The following BAZ2B variants were observed in gnomAD, a reference collection of about 807,000 sequenced individuals.
The protein encoded by BAZ2B is bromodomain adjacent to zinc finger domain 2B, also known as bromodomain adjacent to zinc finger domain protein 2B.
BAZ2B carries 91 observed loss-of-function variants against 246.0 expected under a neutral mutation model. The ratio of observed to expected loss-of-function variants is 0.37; its 90% CI spans 0.31 to 0.44. The LOEUF (loss-of-function observed/expected upper bound fraction) is 0.44, where lower values mean the gene tolerates loss of function less well. Among genes scored for constraint, BAZ2B ranks in the 20% least tolerant of loss-of-function variants. BAZ2B has a pLI of 1.00. For missense variants in BAZ2B, 2,332 were observed against 2,533.7 expected, an observed-to-expected ratio of 0.92 and a Z score of 1.71; for synonymous variants, 855 against 860.0, an observed-to-expected ratio of 0.99 and a Z score of 0.10.
intron 2 of BAZ2B, among the ~76,000 whole-genome samples, chr2:159,479,081 C>A (rs1344870402): frequency 2.0e-5 from 3 of 152,072 alleles, no homozygotes. Context: ...TCCTATGTTA[C>A]CTTAATGAAT....
chr2:159,480,892 T>C (rs1157243554), intron 2 of BAZ2B, among the ~76,000 whole-genome samples: 1 of 152,132 alleles, frequency 6.6e-6, no homozygotes, highest in Non-Finnish European at 1.5e-5. Context: ...CAACTATATT[T>C]ATACTAGGTA....
chr2:159,486,824 A>G (rs2079890849), intron 2 of BAZ2B, among the ~76,000 whole-genome samples: 1 of 152,122 alleles, frequency 6.6e-6, no homozygotes, highest in Admixed American at 6.5e-5. Context: ...AAAAATCTTT[A>G]CTAGATTACT....
the BAZ2B span, among the ~76,000 whole-genome samples, chr2:159,654,149 A>T: frequency 7.9e-5 from 12 of 152,304 alleles, no homozygotes; most frequent in Admixed American, 7.2e-4. Context: ...AACTCTCATT[A>T]CATGTTGTAA....
intron 8 of BAZ2B, chr2:159,433,854 A>G (rs1406270313): frequency 1.9e-5 from 3 of 154,056 alleles, no homozygotes; most frequent in African/African-American, 4.8e-5. Context: ...ACTCATCGAA[A>G]GTTGAAAATA....
chr2:159,459,268 T>A (rs946276522), intron 3 of BAZ2B: 1 of 152,224 alleles, frequency 6.6e-6, no homozygotes, highest in Admixed American at 6.5e-5. Flanking sequence ...CAAACTGTTA[T>A]CAGTTGGCAG....
the BAZ2B span, among the ~76,000 whole-genome samples, chr2:159,699,663 T>C: frequency 1.3e-5 from 2 of 152,220 alleles, no homozygotes; most frequent in Non-Finnish European, 2.9e-5. Flanking sequence ...CTTTGATTAA[T>C]CAGTCACTCC....
the BAZ2B span, chr2:159,690,128 T>C: frequency 1.1e-5 from 6 of 526,946 alleles, no homozygotes; most frequent in African/African-American, 2.0e-5. Context: ...TTCAAACACA[T>C]GACTCTTGAG....
At chr2:159,652,616 A>T in the BAZ2B span, among the ~76,000 whole-genome samples, 1 of 152,014 alleles carries the variant, frequency 6.6e-6, no homozygotes, top group Admixed American at 6.6e-5. Flanking sequence ...CATGCAAGAA[A>T]TATTTTTTTT....
chr2:159,570,476 C>T (rs1005718677), intron 1 of BAZ2B, among the ~76,000 whole-genome samples: 12 of 152,118 alleles, frequency 7.9e-5, no homozygotes, highest in Non-Finnish European at 1.8e-4. Flanking sequence ...CCACTGCGCC[C>T]GGCCTCCTTA....
At chr2:159,629,005 T>G in the BAZ2B span, among the ~76,000 whole-genome samples, 3 of 151,656 alleles carry the variant, frequency 2.0e-5, no homozygotes, top group Admixed American at 2.0e-4. Context: ...AAAAGTGGGG[T>G]GGGTGAAGGA....
At chr2:159,614,956 A>G (rs980529544) in intron 1 of BAZ2B, among the ~76,000 whole-genome samples, 1 of 152,148 alleles carries the variant, frequency 6.6e-6, no homozygotes, top group African/African-American at 2.4e-5. Context: ...TCCTTTCCTC[A>G]AAAATAAAAA....
At chr2:159,667,662 A>T in the BAZ2B span, among the ~76,000 whole-genome samples, 1 of 151,810 alleles carries the variant, frequency 6.6e-6, no homozygotes, top group African/African-American at 2.4e-5. Flanking sequence ...CCATTCCCTC[A>T]CTAAATTACC....
At chr2:159,469,535 A>T (rs190691713) in intron 3 of BAZ2B, among the ~76,000 whole-genome samples, 9 of 152,236 alleles carry the variant, frequency 5.9e-5, no homozygotes, top group Admixed American at 5.9e-4. Flanking sequence ...TCCCAGGTTC[A>T]AGCGATTCCC....
chr2:159,696,002 C>G, the BAZ2B span, among the ~76,000 whole-genome samples: 1 of 152,056 alleles, frequency 6.6e-6, no homozygotes, highest in East Asian at 1.9e-4. Context: ...CTCAAGCGAT[C>G]CCCAACCTTA....
chr2:159,388,333 T>A (rs2062882268), intron 21 of BAZ2B, among the ~76,000 whole-genome samples: 1 of 152,144 alleles, frequency 6.6e-6, no homozygotes, highest in Non-Finnish European at 1.5e-5. Flanking sequence ...CAAAAGTATA[T>A]GAAATTATGC....
At chr2:159,546,906 G>C (rs1307913891) in intron 2 of BAZ2B, among the ~76,000 whole-genome samples, 1 of 152,060 alleles carries the variant, frequency 6.6e-6, no homozygotes, top group Non-Finnish European at 1.5e-5. Flanking sequence ...GGATCCAAAG[G>C]TTTTATGGAG....
chr2:159,656,009 C>A, the BAZ2B span, among the ~76,000 whole-genome samples: 1 of 152,022 alleles, frequency 6.6e-6, no homozygotes, highest in African/African-American at 2.4e-5. Flanking sequence ...CATGTCTCAT[C>A]TTTGCATATC....
At chr2:159,705,323 A>G in the BAZ2B span, among the ~76,000 whole-genome samples, 1 of 152,118 alleles carries the variant, frequency 6.6e-6, no homozygotes, top group Non-Finnish European at 1.5e-5. Flanking sequence ...CGCCCAGTGT[A>G]GTTACCACTT....
chr2:159,453,693 C>T lies in BAZ2B; in HGVS notation c.254G>A (p.Gly85Glu). 6.2e-7 allele frequency: 1 copy of T among 1,613,564 alleles called. No individual in the cohort carries two copies. Among genetic ancestry groups the T allele is most frequent in the Middle Eastern group, 1.7e-4 (1 of 6,060 alleles). Residue 85 changes from glycine (G) to glutamate (E), a missense_variant, in exon 4 of 37, where the codon GGG becomes GAG. Physicochemically the swap from Gly to Glu is moderately conservative, Grantham distance 98. Transcript: ENST00000392783. ...CCCCAAACCACCAAATTCTGAATGC[C>T]CTGAGCTGGCTGAATGTAGACCAAA... ...PVFGLHSASSGHSEFGGLGTL... is the reference protein window; with the variant it reads ...PVFGLHSASSEHSEFGGLGTL...
Sources: gnomAD v4.1 joint callset for allele counts (sites outside exome capture counted in the v4.1 genomes callset) on GRCh38, gnomAD v4.1.1 for gene constraint, MANE v1.5 for transcripts, NCBI Gene and HGNC (gene_info 2026-07-23, HGNC 2026-07-21) for gene names.